FRK: variants seen among roughly 807,000 people sequenced by gnomAD.
The protein encoded by FRK is tyrosine-protein kinase FRK.
In FRK, 51 loss-of-function variants were observed where a neutral mutation model predicts 56.4. The observed-to-expected ratio is 0.90, with a 90% confidence interval of 0.72 to 1.14. The LOEUF (loss-of-function observed/expected upper bound fraction) is 1.14, where lower values mean the gene tolerates loss of function less well. Among genes scored for constraint, FRK ranks in the 50% most tolerant of loss-of-function variants. The pLI is 0.00. For synonymous variants in FRK, 245 were observed against 217.9 expected (o/e 1.12, Z -1.10); for missense variants, 570 against 601.4 (o/e 0.95, Z 0.55).
intron 2 of FRK, chr6:116,002,770 C>T (rs1775111376): frequency 2.2e-6 from 1 of 451,382 alleles, no homozygotes; most frequent in East Asian, 7.0e-5. Context: ...ATAGTCAGGA[C>T]CTGAAGTACG....
In FRK at chr6:115,937,920, A is replaced by C. The variant is rs1365965697; in HGVS notation, c.*4494T>G. The C allele has an allele frequency of 6.6e-6, 1 of 152,224 alleles. No homozygotes were observed. Among genetic ancestry groups the C allele is most frequent in the Non-Finnish European group, 1.5e-5 (1 of 68,042 alleles). 9.4% of individuals were successfully genotyped at this position (152,224 alleles called of 1,614,324 possible). On this transcript the variant is annotated 3_prime_UTR_variant, in exon 8 of 8. Coordinates refer to ENST00000606080, the MANE Select transcript of FRK (RefSeq NM_002031.3). Reference sequence around the variant, plus strand: ...GCTGTCAATATTAGACAGATAAATGAGACAGAAAATTAACAAAGATATTCA... The same window carrying C: ...GCTGTCAATATTAGACAGATAAATGCGACAGAAAATTAACAAAGATATTCA...
At chr6:116,064,557 T>C (rs1407183493), upstream of FRK, among the ~76,000 whole-genome samples, 1 of 152,170 alleles carries the variant, frequency 6.6e-6, no homozygotes, top group Non-Finnish European at 1.5e-5. Context: ...GAAAGTTCTA[T>C]AGTGTGAAAA....
intron 1 of FRK, among the ~76,000 whole-genome samples, chr6:116,027,768 AT>A (rs1776146686): frequency 6.6e-6 from 1 of 151,970 alleles, no homozygotes; most frequent in Admixed American, 6.6e-5. Context: ...AGAAAAAATA[AT>A]ATGATTAGAA....
rs143055616 is a variant in FRK at position 115,956,821 on chromosome 6, T to C, written c.800-211A>G. On this transcript the variant is annotated intron_variant, in intron 4 of 7. Coordinates refer to ENST00000606080, the MANE Select transcript of FRK (RefSeq NM_002031.3). The stretch of plus-strand genomic sequence containing the variant: ...TGGTGCATCAGGAGTATACGGTTTA[T>C]ATGTTATGACCTGTAGGTGAAGAGA... Among the ~76,000 whole-genome samples, 283 of 152,330 alleles carry C rather than the reference T, an allele frequency of 1.9e-3. 12 individuals are homozygous for C. The South Asian group carries it at 0.035, about 19-fold the overall frequency.
At chr6:116,023,194 TCAAAA>T (rs1775946098) in intron 1 of FRK, among the ~76,000 whole-genome samples, 1 of 152,130 alleles carries the variant, frequency 6.6e-6, no homozygotes, top group Non-Finnish European at 1.5e-5. Context: ...ATATGTAAAG[TCAAAA>T]TAGTACAAGG....
Position 116,014,255 on chromosome 6 carries a change from T to C in FRK, c.345-10257A>G, listed in dbSNP as rs61671360. 1.7e-3 allele frequency among the ~76,000 whole-genome samples: 252 copies of C among 152,272 alleles called. 1 individual carries two copies. Among genetic ancestry groups the C allele is most frequent in the African/African-American group, 5.9e-3 (246 of 41,564 alleles). On this transcript the variant is annotated intron_variant, in intron 1 of 7. Coordinates refer to ENST00000606080, the MANE Select transcript of FRK (RefSeq NM_002031.3). Reference sequence around the variant, plus strand: ...AAAGATAAAGCAAAAGAAGGGTATATAACTTTTCCTTTGAAAATCTTAGAG... The same window carrying C: ...AAAGATAAAGCAAAAGAAGGGTATACAACTTTTCCTTTGAAAATCTTAGAG...
intron 2 of FRK, among the ~76,000 whole-genome samples, chr6:115,978,172 A>G (rs1223547204): frequency 6.6e-6 from 1 of 152,166 alleles, no homozygotes; most frequent in East Asian, 1.9e-4. Flanking sequence ...CCAGTTTCCT[A>G]CAGAAAATCT....
At position 115,983,481 on chromosome 6, in the gene FRK, C is replaced by T. The variant is rs144014809; in HGVS notation, c.467-14742G>A. On this transcript the variant is annotated intron_variant, in intron 2 of 7. Transcript: ENST00000606080. The stretch of plus-strand genomic sequence containing the variant: ...CCTCTTAAAGGGAAATACTAGGTTG[C>T]GCATTACCTTCTTACAGTATTTTTC... Among the ~76,000 whole-genome samples, 353 of 152,246 alleles carry T rather than the reference C, an allele frequency of 2.3e-3. 2 individuals carry two copies. Among genetic ancestry groups the T allele is most frequent in the African/African-American group, 7.5e-3 (313 of 41,544 alleles).
At chr6:116,033,694 G>A (rs1307940882) in intron 1 of FRK, among the ~76,000 whole-genome samples, 2 of 152,282 alleles carry the variant, frequency 1.3e-5, no homozygotes, top group African/African-American at 2.4e-5. Flanking sequence ...GGCCCTGCAA[G>A]GAGACTCAGA....
intron 1 of FRK, among the ~76,000 whole-genome samples, chr6:116,023,707 G>A (rs1775966260): frequency 6.6e-6 from 1 of 152,030 alleles, no homozygotes; most frequent in African/African-American, 2.4e-5. Context: ...CTGTTGTCCT[G>A]GTGCATAAGG....
chr6:115,961,510 G>T (rs1325808249), intron 4 of FRK, among the ~76,000 whole-genome samples: 1 of 85,448 alleles, frequency 1.2e-5, no homozygotes, highest in South Asian at 6.4e-4. Context: ...ATCTAGCAAG[G>T]CAGGCCAACG....
intron 1 of FRK, among the ~76,000 whole-genome samples, chr6:116,024,026 T>A (rs950574507): frequency 3.3e-5 from 5 of 149,620 alleles, no homozygotes; most frequent in African/African-American, 1.2e-4. Flanking sequence ...TTCATACAGT[T>A]TGTGTCTGCT....
At chr6:116,098,621 A>G in the FRK span, among the ~76,000 whole-genome samples, 1 of 152,228 alleles carries the variant, frequency 6.6e-6, no homozygotes, top group Admixed American at 6.5e-5. Context: ...AGTGGGGGAC[A>G]AAATTCAGTC....
intron 1 of FRK, among the ~76,000 whole-genome samples, chr6:116,009,591 T>C (rs1312737125): frequency 6.6e-6 from 1 of 152,148 alleles, no homozygotes; most frequent in Non-Finnish European, 1.5e-5. Context: ...TTTATTGACA[T>C]ACCATGCCAT....
At chr6:115,968,920 G>A (rs979586413) in intron 2 of FRK, among the ~76,000 whole-genome samples, 181 bp from the exon 3 acceptor site, 5 of 152,158 alleles carry the variant, frequency 3.3e-5, no homozygotes, top group African/African-American at 1.2e-4. Flanking sequence ...AAGAGAGAGT[G>A]TGAGAACTGG....
chr6:116,076,917 C>A, the FRK span, among the ~76,000 whole-genome samples: 1 of 152,156 alleles, frequency 6.6e-6, no homozygotes, highest in Admixed American at 6.6e-5. Context: ...AGGGTGATAA[C>A]GTTATAGATT....
chr6:115,958,922 A>G (rs1197569631), intron 4 of FRK, among the ~76,000 whole-genome samples: 1 of 152,172 alleles, frequency 6.6e-6, no homozygotes, highest in Non-Finnish European at 1.5e-5. Flanking sequence ...AGATTCAAGC[A>G]ATACAGGACA....
At chr6:116,012,064 A>G (rs1775493832) in intron 1 of FRK, among the ~76,000 whole-genome samples, 1 of 152,130 alleles carries the variant, frequency 6.6e-6, no homozygotes, top group South Asian at 2.1e-4. Context: ...CTAATTCAAC[A>G]TCGCCTCTTG....
Position 115,993,091 on chromosome 6 carries a change from A to G in FRK, c.466+10786T>C, listed in dbSNP as rs149405540. 7.2e-5 allele frequency among the ~76,000 whole-genome samples: 11 copies of G among 151,904 alleles called. No homozygotes were observed. In the East Asian group the frequency reaches 2.1e-3, roughly 29 times the overall value. Reference sequence around the variant, plus strand: ...GTGTCCTTATTCATAAGACATAAATACTAATGCTAAAATTTTTAAAGTTGA... The same window carrying G: ...GTGTCCTTATTCATAAGACATAAATGCTAATGCTAAAATTTTTAAAGTTGA... On this transcript the variant is annotated intron_variant, in intron 2 of 7. Transcript: ENST00000606080.
Sources: gnomAD v4.1 joint callset for allele counts (sites outside exome capture counted in the v4.1 genomes callset) on GRCh38, gnomAD v4.1.1 for gene constraint, MANE v1.5 for transcripts, NCBI Gene and HGNC (gene_info 2026-07-23, HGNC 2026-07-21) for gene names.